KCNB2: variants seen among roughly 807,000 people sequenced by gnomAD.
KCNB2 encodes potassium voltage-gated channel subfamily B member 2.
A neutral mutation model predicts 61.5 loss-of-function variants in KCNB2; 15 were observed. The ratio of observed to expected loss-of-function variants is 0.24; its 90% CI spans 0.16 to 0.38. The LOEUF (loss-of-function observed/expected upper bound fraction) is 0.38. Among genes scored for constraint, KCNB2 ranks in the 10% least tolerant of loss-of-function variants. KCNB2 has a pLI of 1.00. For synonymous variants in KCNB2, 457 were observed against 446.0 expected (o/e 1.02, Z -0.31); for missense variants, 828 against 1,125.2 (o/e 0.74, Z 3.78).
intron 2 of KCNB2, among the ~76,000 whole-genome samples, chr8:72,774,494 T>C (rs1164228827): frequency 1.3e-5 from 2 of 152,042 alleles, no homozygotes; most frequent in Non-Finnish European, 2.9e-5. Flanking sequence ...GGATTACAAG[T>C]GTGTGCCACT....
chr8:72,588,375 C>T (rs867765755), intron 2 of KCNB2, among the ~76,000 whole-genome samples: 25 of 152,036 alleles, frequency 1.6e-4, no homozygotes, highest in Middle Eastern at 3.4e-3. Context: ...TGCACCACCA[C>T]GCCGGCTAAT....
chr8:72,830,487 A>C (rs186687645), intron 2 of KCNB2, among the ~76,000 whole-genome samples: 2 of 152,318 alleles, frequency 1.3e-5, no homozygotes, highest in East Asian at 3.9e-4. Flanking sequence ...CCCACTCCTT[A>C]TTCATGTAAG....
intron 2 of KCNB2, among the ~76,000 whole-genome samples, chr8:72,577,702 A>T (rs1038462282): frequency 6.6e-6 from 1 of 152,132 alleles, no homozygotes; most frequent in Non-Finnish European, 1.5e-5. Context: ...ATGCCACTTT[A>T]AATAGCTACT....
chr8:72,917,453 T>C (rs945733482), intron 2 of KCNB2, among the ~76,000 whole-genome samples: 3 of 152,182 alleles, frequency 2.0e-5, no homozygotes, highest in South Asian at 2.1e-4. Context: ...AATGAACATA[T>C]GGTTATTTTA....
chr8:72,830,295 A>G (rs1809672664), intron 2 of KCNB2, among the ~76,000 whole-genome samples: 1 of 150,198 alleles, frequency 6.7e-6, no homozygotes, highest in Non-Finnish European at 1.5e-5. Context: ...AGAGAAGGAG[A>G]CCTCAGCTTT....
chr8:72,614,688 C>A (rs1805591485), intron 2 of KCNB2, among the ~76,000 whole-genome samples: 1 of 152,158 alleles, frequency 6.6e-6, no homozygotes, highest in Admixed American at 6.6e-5. Flanking sequence ...TTAAATCTGT[C>A]ATCTTGTGGC....
intron 2 of KCNB2, among the ~76,000 whole-genome samples, chr8:72,843,670 G>C (rs1209536517): frequency 6.6e-6 from 1 of 152,162 alleles, no homozygotes; most frequent in Non-Finnish European, 1.5e-5. Flanking sequence ...CTGTTGCATT[G>C]ATCCCTTTAC....
At chr8:72,674,013 T>C (rs1490551339) in intron 2 of KCNB2, among the ~76,000 whole-genome samples, 1 of 152,232 alleles carries the variant, frequency 6.6e-6, no homozygotes. Context: ...AGTAGTTTCA[T>C]TGGCATCACA....
chr8:72,923,412 A>G lies in KCNB2; in HGVS notation c.580-12523A>G, dbSNP rs375422493. ...GGGATAAAATACTTGGATTTATTTT[A>G]GGGCCTGCTATCTGTCATGTTGGTA... On this transcript the variant is annotated intron_variant, in intron 2 of 2. Transcript: ENST00000523207. Among the ~76,000 whole-genome samples, 5 of 152,306 alleles carry G rather than the reference A, an allele frequency of 3.3e-5. 1 individual carries two copies. The East Asian group carries it at 9.6e-4, about 29-fold the overall frequency.
intron 2 of KCNB2, among the ~76,000 whole-genome samples, chr8:72,700,986 A>C (rs1481374091): frequency 6.6e-6 from 1 of 152,198 alleles, no homozygotes; most frequent in East Asian, 1.9e-4. Flanking sequence ...AGGAACAAGA[A>C]TACCACATGT....
intron 2 of KCNB2, among the ~76,000 whole-genome samples, chr8:72,889,430 G>T (rs1214204985): frequency 6.6e-6 from 1 of 152,164 alleles, no homozygotes; most frequent in Non-Finnish European, 1.5e-5. Flanking sequence ...GCTCATACCT[G>T]TAATGCCAGC....
At chr8:72,663,820 A>AT (rs1050262170) in intron 2 of KCNB2, among the ~76,000 whole-genome samples, 10 of 152,160 alleles carry the variant, frequency 6.6e-5, no homozygotes, top group African/African-American at 2.4e-4. Flanking sequence ...ATATTTCTGT[A>AT]TTTTTATTGT....
intron 2 of KCNB2, among the ~76,000 whole-genome samples, chr8:72,680,217 G>A (rs1806729208): frequency 6.6e-6 from 1 of 152,166 alleles, no homozygotes; most frequent in African/African-American, 2.4e-5. Flanking sequence ...TACCCTAAAG[G>A]AAGAGCTTAC....
intron 2 of KCNB2, among the ~76,000 whole-genome samples, chr8:72,662,643 A>G (rs944238967): frequency 6.6e-6 from 1 of 152,032 alleles, no homozygotes; most frequent in East Asian, 1.9e-4. Flanking sequence ...TTCTTGAGTA[A>G]ATATTTCATT....
chr8:72,598,102 G>A (rs1807228845), intron 2 of KCNB2, among the ~76,000 whole-genome samples: 1 of 143,086 alleles, frequency 7.0e-6, no homozygotes, highest in Non-Finnish European at 1.5e-5. Flanking sequence ...TGGTAGACTG[G>A]ATAAAGAAAA....
chr8:72,859,698 C>G (rs1386348306), intron 2 of KCNB2, among the ~76,000 whole-genome samples: 2 of 125,774 alleles, frequency 1.6e-5, no homozygotes, highest in Non-Finnish European at 3.2e-5. Context: ...TGGATCAGTA[C>G]TTCATTTCGT....
chr8:72,757,925 C>T (rs1023618003), intron 2 of KCNB2, among the ~76,000 whole-genome samples: 4 of 152,188 alleles, frequency 2.6e-5, no homozygotes, highest in African/African-American at 7.2e-5. Flanking sequence ...GCCAAGATTA[C>T]GATACCAAGC....
chr8:72,897,307 C>A (rs1806008251), intron 2 of KCNB2, among the ~76,000 whole-genome samples: 1 of 152,048 alleles, frequency 6.6e-6, no homozygotes, highest in Admixed American at 6.6e-5. Flanking sequence ...GTTTCGTATG[C>A]ACAATAAAAC....
intron 2 of KCNB2, among the ~76,000 whole-genome samples, chr8:72,721,936 G>A (rs542360134): frequency 3.3e-5 from 5 of 152,260 alleles, no homozygotes; most frequent in South Asian, 2.1e-4. Context: ...CAAGCTGTCC[G>A]AGACTAAATG....
Sources: gnomAD v4.1 joint callset for allele counts (sites outside exome capture counted in the v4.1 genomes callset) on GRCh38, gnomAD v4.1.1 for gene constraint, MANE v1.5 for transcripts, NCBI Gene and HGNC (gene_info 2026-07-23, HGNC 2026-07-21) for gene names.